Variants in IARS2 observed in about 807,000 individuals in gnomAD.
The protein encoded by IARS2 is isoleucyl-tRNA synthetase 2, mitochondrial.
A neutral mutation model predicts 126.3 loss-of-function variants in IARS2; 56 were observed. That is an observed-to-expected ratio of 0.44 (90% CI 0.36 to 0.55). The LOEUF (loss-of-function observed/expected upper bound fraction) is 0.55, where lower values mean the gene tolerates loss of function less well. Ranked by LOEUF, IARS2 falls within the 20% of genes least tolerant of loss-of-function variation. The pLI, the probability that IARS2 is intolerant of heterozygous loss-of-function variation, is 0.00. For missense variants in IARS2, 1,127 were observed against 1,245.9 expected, an observed-to-expected ratio of 0.90 and a Z score of 1.44; for synonymous variants, 407 against 441.1, an observed-to-expected ratio of 0.92 and a Z score of 0.97.
At chr1:220,123,617 G>A (rs967254849) in intron 12 of IARS2, among the ~76,000 whole-genome samples, 5 of 152,072 alleles carry the variant, frequency 3.3e-5, no homozygotes, top group African/African-American at 1.2e-4. Flanking sequence ...GGGACTACAG[G>A]CGCCCGCCAC....
intron 8 of IARS2, among the ~76,000 whole-genome samples, chr1:220,103,913 A>G (rs1263926149): frequency 6.6e-6 from 1 of 152,230 alleles, no homozygotes; most frequent in Non-Finnish European, 1.5e-5. Flanking sequence ...TAATTTTAAT[A>G]AAGGATTGAA....
At chr1:220,145,432 T>A in intron 21 of IARS2, 77 bp from the exon 22 acceptor site, 1 of 1,379,798 alleles carries the variant, frequency 7.2e-7, no homozygotes. Flanking sequence ...CGTGAGATTT[T>A]ATAGTGTTTC....
intron 12 of IARS2, 51 bp from the exon 13 acceptor site, chr1:220,125,186 A>C (rs374233286): frequency 7.9e-6 from 8 of 1,011,032 alleles, no homozygotes; most frequent in Non-Finnish European, 1.5e-6. Flanking sequence ...AATGTTTGTT[A>C]TTCATCACAA....
At chr1:220,134,377 T>G in intron 14 of IARS2, 25 bp from the exon 15 acceptor site, 2 of 1,500,432 alleles carry the variant, frequency 1.3e-6, no homozygotes, top group Admixed American at 2.2e-5. Flanking sequence ...CTGGGTTTTT[T>G]TTTCTTTTAA....
chr1:220,106,644 T>C (rs80336642), intron 9 of IARS2, among the ~76,000 whole-genome samples: 3 of 151,078 alleles, frequency 2.0e-5, no homozygotes, highest in African/African-American at 4.9e-5. Flanking sequence ...TTTTTTTTTT[T>C]TGAGAGGGAG....
chr1:220,118,279 G>C, intron 12 of IARS2: 1 of 425,456 alleles, frequency 2.4e-6, no homozygotes, highest in South Asian at 1.8e-5. Context: ...CATCATGGGA[G>C]CTGTACGATA....
At chr1:220,123,514 C>G (rs1228522555) in intron 12 of IARS2, among the ~76,000 whole-genome samples, 3 of 152,118 alleles carry the variant, frequency 2.0e-5, no homozygotes, top group African/African-American at 4.8e-5. Context: ...CCCTCTGTCA[C>G]CCAGGCTGGA....
intron 2 of IARS2, among the ~76,000 whole-genome samples, chr1:220,098,244 C>T (rs1276146717): frequency 3.3e-5 from 5 of 152,188 alleles, no homozygotes; most frequent in Non-Finnish European, 7.4e-5. Context: ...TCTTGAAGCC[C>T]TTAGCAAAGA....
chr1:220,115,328 C>T (rs1006759398), intron 12 of IARS2, among the ~76,000 whole-genome samples: 7 of 152,064 alleles, frequency 4.6e-5, no homozygotes, highest in African/African-American at 9.7e-5. Context: ...TTTGGGAGGC[C>T]GAGGCTGGTG....
Position 220,114,322 on chromosome 1 carries a change from A to T in IARS2, c.1488A>T (p.Leu496Phe), listed in dbSNP as rs1420840874. 7.4e-6 allele frequency: 12 copies of T among 1,612,190 alleles called. 1 individual carries two copies. The highest frequency in any genetic ancestry group is 3.3e-5 in the South Asian group (3 of 91,062). The change falls in exon 12 of 23, where the codon TTA becomes TTT. Residue 496 changes from leucine to phenylalanine, a missense_variant. Leu to Phe is a conservative substitution (Grantham distance 22, BLOSUM62 0). Transcript: ENST00000366922. ...TTATGAATTAATTGCAGGAATTGTT[A>T]AAAAAGGTGAAATTTATTCCTGGAT... ...TDIKTAAKEL[L>F]KKVKFIPGSA...
At chr1:220,124,652 G>A (rs1447065545) in intron 12 of IARS2, among the ~76,000 whole-genome samples, 1 of 152,204 alleles carries the variant, frequency 6.6e-6, no homozygotes, top group Admixed American at 6.5e-5. Context: ...CTGGATATCT[G>A]TCATCACAGT....
In IARS2 at chr1:220,094,371, A is replaced by C; in HGVS notation, c.155A>C (p.Gln52Pro). ...VRSVSGASNH[Q>P]PNSNSGRYRD... Reference sequence around the variant, plus strand: ...TCGGTCTCCGGGGCCAGTAACCACCAGCCGAACTCGAATAGTGGCAGATAC... The same window carrying C: ...TCGGTCTCCGGGGCCAGTAACCACCCGCCGAACTCGAATAGTGGCAGATAC... The change falls in exon 1 of 23, where the codon CAG becomes CCG. Residue 52 changes from glutamine to proline, a missense_variant. Coordinates refer to ENST00000366922, the MANE Select transcript of IARS2 (RefSeq NM_018060.4). 6 of 1,613,206 alleles carry C rather than the reference A, an allele frequency of 3.7e-6. No homozygotes were observed. Among genetic ancestry groups the C allele is most frequent in the Non-Finnish European group, 5.1e-6 (6 of 1,179,718 alleles).
rs998176472 is a variant in IARS2, at chr1:220,147,775, A to G, written c.*140A>G. On this transcript the variant is annotated 3_prime_UTR_variant, in exon 23 of 23. Transcript: ENST00000366922. ...ATGGTGGAGGATGGGAGTCAAAATC[A>G]GAATTATAGAAGAAGTATTTCCTGT... 19 of 719,056 alleles carry G rather than the reference A, an allele frequency of 2.6e-5. No individual in the cohort carries two copies. The African/African-American group carries it at 3.2e-4, about 12-fold the overall frequency. The allele number at this position is 719,056 out of a possible 1,614,324, so 44.5% of individuals were successfully genotyped here. A position where few individuals can be genotyped will look rare whatever the true frequency, so the allele number is the denominator to read the frequency against.
chr1:220,102,479 T>C lies in IARS2; in HGVS notation c.750-16T>C, dbSNP rs1656598545. ...GAGGCTTCCAAGTATTTATGTTTAA[T>C]ATTTTTAACCCTTAGGACTGCATTG... On this transcript the variant is annotated splice_polypyrimidine_tract_variant and intron_variant, in intron 5 of 22. Coordinates refer to ENST00000366922, the MANE Select transcript of IARS2 (RefSeq NM_018060.4). The C allele has an allele frequency of 1.9e-6, 3 of 1,611,164 alleles. No individual in the cohort carries two copies. Among genetic ancestry groups the C allele is most frequent in the African/African-American group, 1.3e-5 (1 of 74,768 alleles).
chr1:220,143,142 G>A lies in IARS2; in HGVS notation c.2751+8G>A. 1 of 1,604,870 alleles carries A rather than the reference G, an allele frequency of 6.2e-7. No homozygotes were observed. The highest frequency in any genetic ancestry group is 8.5e-7 in the Non-Finnish European group (1 of 1,173,026). ...CTTTTTGAGATAATAGAGGTATGCA[G>A]CAATATGTACCTTTTGAAATGGTGT... On this transcript the variant is annotated splice_region_variant and intron_variant, in intron 21 of 22. Transcript: ENST00000366922.
At position 220,107,149 on chromosome 1, in the gene IARS2, TG is replaced by T; in HGVS notation, c.1327+1del. Reference protein sequence around the residue: ...NKAVLEEGTDVVIKMLQTAKN... With the variant: ...NKAVLEEGTDXVIKMLQTAKN... ...GCTGTCCTTGAAGAGGGAACTGATG[TG>T]GGTGAGCATCATATCTGTTGATATC... On this transcript the variant is annotated frameshift_variant and splice_region_variant, in exon 10 of 23. Transcript: ENST00000366922. LOFTEE classifies it high-confidence loss of function. 6.2e-7 allele frequency: 1 copy of T among 1,602,588 alleles called. No homozygotes were observed. The highest frequency in any genetic ancestry group is 1.7e-4 in the Middle Eastern group (1 of 6,042).
At chr1:220,122,405 A>G (rs1320497068) in intron 12 of IARS2, among the ~76,000 whole-genome samples, 1 of 152,210 alleles carries the variant, frequency 6.6e-6, no homozygotes, top group Non-Finnish European at 1.5e-5. Flanking sequence ...ATGCCTGGGT[A>G]AAAGAGCCTT....
At chr1:220,116,011 A>G (rs565131112) in intron 12 of IARS2, among the ~76,000 whole-genome samples, 1 of 152,296 alleles carries the variant, frequency 6.6e-6, no homozygotes, top group South Asian at 2.1e-4. Context: ...GCTTGAAGCC[A>G]GCTGTTCAAG....
intron 19 of IARS2, among the ~76,000 whole-genome samples, chr1:220,140,530 G>T (rs1249979965): frequency 6.6e-6 from 1 of 152,218 alleles, no homozygotes; most frequent in Non-Finnish European, 1.5e-5. Context: ...AATGAGCAGA[G>T]ATTGTGCTGC....
Sources: gnomAD v4.1 joint callset for allele counts (sites outside exome capture counted in the v4.1 genomes callset) on GRCh38, gnomAD v4.1.1 for gene constraint, MANE v1.5 for transcripts, NCBI Gene and HGNC (gene_info 2026-07-23, HGNC 2026-07-21) for gene names.